Variants in DAB1 observed in about 807,000 individuals in gnomAD.
The protein encoded by DAB1 is disabled homolog 1.
In DAB1, 15 loss-of-function variants were observed where a neutral mutation model predicts 64.6. That is an observed-to-expected ratio of 0.23 (90% CI 0.16 to 0.36). The LOEUF (loss-of-function observed/expected upper bound fraction) is 0.36, where lower values mean the gene tolerates loss of function less well. Among genes scored for constraint, DAB1 ranks in the 10% least tolerant of loss-of-function variants. The pLI, the probability that DAB1 is intolerant of heterozygous loss-of-function variation, is 1.00. For synonymous variants in DAB1, 235 were observed against 251.9 expected, an observed-to-expected ratio of 0.93 and a Z score of 0.64; for missense variants, 596 against 706.7, an observed-to-expected ratio of 0.84 and a Z score of 1.78.
At chr1:57,776,887 T>C (rs1011637987) in intron 6 of DAB1, among the ~76,000 whole-genome samples, 1 of 151,854 alleles carries the variant, frequency 6.6e-6, no homozygotes, top group Non-Finnish European at 1.5e-5. Flanking sequence ...CTCACATGTT[T>C]ACCATTTCTG....
At chr1:57,002,426 T>TA (rs1270385398) in intron 14 of DAB1, among the ~76,000 whole-genome samples, 23 of 152,296 alleles carry the variant, frequency 1.5e-4, no homozygotes, top group Admixed American at 8.5e-4. Context: ...GGGCTTAAGG[T>TA]AAGTAATTTT....
intron 11 of DAB1, 123 bp from the exon 12 acceptor site, chr1:57,015,554 G>T: frequency 1.2e-6 from 1 of 850,500 alleles, no homozygotes; most frequent in Non-Finnish European, 1.8e-6. Flanking sequence ...GTGTGCCAGG[G>T]ACTGGGGATG....
intron 4 of DAB1, among the ~76,000 whole-genome samples, chr1:57,096,612 C>G (rs192020841): frequency 6.6e-6 from 1 of 152,110 alleles, no homozygotes; most frequent in African/African-American, 2.4e-5. Flanking sequence ...TAGGTCAGCT[C>G]CTCTCAGGTG....
chr1:57,757,591 GTC>G (rs1206327319), intron 6 of DAB1, among the ~76,000 whole-genome samples: 1 of 152,058 alleles, frequency 6.6e-6, no homozygotes, highest in Non-Finnish European at 1.5e-5. Context: ...ATGCATGTCT[GTC>G]TCTGTGTCTA....
At chr1:58,537,177 T>A (rs6684437) in intron 1 of DAB1, among the ~76,000 whole-genome samples, 17,652 of 151,450 alleles carry the variant, frequency 0.12, 1,220 homozygotes, top group African/African-American at 0.18. Context: ...GCCACTGAGG[T>A]AATAAAAGGA....
intron 5 of DAB1, among the ~76,000 whole-genome samples, chr1:58,086,952 A>G (rs1336777050): frequency 6.6e-6 from 1 of 152,086 alleles, no homozygotes; most frequent in African/African-American, 2.4e-5. Flanking sequence ...ATATGCTGTG[A>G]GGTCCTTATG....
At chr1:58,330,579 C>T (rs2100494172) in intron 4 of DAB1, among the ~76,000 whole-genome samples, 1 of 152,312 alleles carries the variant, frequency 6.6e-6, no homozygotes, top group Admixed American at 6.5e-5. Context: ...TTCAAAGCTT[C>T]AAAGCACAGG....
At chr1:57,003,666 C>T (rs1367632420) in intron 14 of DAB1, among the ~76,000 whole-genome samples, 1 of 147,966 alleles carries the variant, frequency 6.8e-6, no homozygotes, top group Non-Finnish European at 1.5e-5. Context: ...AACAGAAACT[C>T]TGTACCCATT....
chr1:57,271,729 CT>C (rs1303508439), intron 2 of DAB1, among the ~76,000 whole-genome samples: 4 of 152,162 alleles, frequency 2.6e-5, no homozygotes, highest in Non-Finnish European at 5.9e-5. Flanking sequence ...GGAAGGCTTC[CT>C]GGAGGAAGTG....
chr1:57,423,895 C>T (rs1295560457), intron 1 of DAB1, 35 bp downstream of exon 1: 1 of 152,296 alleles, frequency 6.6e-6, no homozygotes, highest in South Asian at 2.1e-4. Context: ...CGGCGCTGAA[C>T]TCAAGGGTTG....
chr1:57,348,509 T>A (rs1678304142), intron 1 of DAB1, among the ~76,000 whole-genome samples: 1 of 152,164 alleles, frequency 6.6e-6, no homozygotes, highest in South Asian at 2.1e-4. Flanking sequence ...TTTAATTTAA[T>A]CTCTAAAGCA....
chr1:58,159,513 A>G (rs1031440277), intron 4 of DAB1, among the ~76,000 whole-genome samples: 2 of 152,174 alleles, frequency 1.3e-5, no homozygotes, highest in Non-Finnish European at 1.5e-5. Context: ...GAGCTATTCT[A>G]TATGTTGATA....
At chr1:58,152,641 T>C (rs1035719673) in intron 4 of DAB1, among the ~76,000 whole-genome samples, 2 of 152,224 alleles carry the variant, frequency 1.3e-5, no homozygotes, top group Admixed American at 1.3e-4. Flanking sequence ...TATTGCAACA[T>C]CAGACATATA....
In DAB1 at chr1:57,039,965, T is replaced by C. The variant is rs139501271; in HGVS notation, c.724-13922A>G. On this transcript the variant is annotated intron_variant, in intron 9 of 14. Coordinates refer to ENST00000371236, the MANE Select transcript of DAB1 (RefSeq NM_001365792.1). ...CATTGGTCATCCATTCACTTACTTC[T>C]ATTTATTAAATATACATGATTTACT... Among the ~76,000 whole-genome samples the C allele has an allele frequency of 3.7e-3, 560 of 152,306 alleles. 3 individuals are homozygous for C. Among genetic ancestry groups the C allele is most frequent in the Admixed American group, 9.7e-3 (149 of 15,290 alleles).
At chr1:58,165,014 G>A (rs1266036867) in intron 4 of DAB1, among the ~76,000 whole-genome samples, 1 of 152,146 alleles carries the variant, frequency 6.6e-6, no homozygotes, top group Non-Finnish European at 1.5e-5. Flanking sequence ...TTTAAAGGAA[G>A]CATAGTTCTG....
intron 3 of DAB1, among the ~76,000 whole-genome samples, chr1:58,382,409 T>A (rs774993395): frequency 6.6e-6 from 1 of 152,138 alleles, no homozygotes; most frequent in Non-Finnish European, 1.5e-5. Context: ...CACTGTGACA[T>A]GGACTAATCT....
intron 2 of DAB1, among the ~76,000 whole-genome samples, chr1:57,287,215 G>T (rs777695205): frequency 1.3e-5 from 2 of 152,146 alleles, no homozygotes; most frequent in African/African-American, 2.4e-5. Context: ...GGGACTACTG[G>T]CATGCGCCGC....
At chr1:57,226,672 A>AAAAATATATATAT (rs747021990) in intron 2 of DAB1, among the ~76,000 whole-genome samples, 22 of 135,992 alleles carry the variant, frequency 1.6e-4, no homozygotes, top group South Asian at 1.6e-3. Flanking sequence ...TTAAAAAAAA[A>AAAAATATATATAT]ATATATATAT....
chr1:57,415,183 C>G (rs532022408), intron 1 of DAB1, among the ~76,000 whole-genome samples: 2 of 151,860 alleles, frequency 1.3e-5, no homozygotes, highest in Admixed American at 6.6e-5. Context: ...GAAATTGACT[C>G]TAAGTTCCAG....
Sources: gnomAD v4.1 joint callset for allele counts (sites outside exome capture counted in the v4.1 genomes callset) on GRCh38, gnomAD v4.1.1 for gene constraint, MANE v1.5 for transcripts, NCBI Gene and HGNC (gene_info 2026-07-23, HGNC 2026-07-21) for gene names.